Variants in MALRD1 observed in about 807,000 individuals in gnomAD.
MALRD1 encodes MAM and LDL-receptor class A domain-containing protein 1.
A neutral mutation model predicts 242.1 loss-of-function variants in MALRD1; 247 were observed. That is an observed-to-expected ratio of 1.02 (90% CI 0.92 to 1.13). The LOEUF is 1.13. MALRD1 is among the 50% of genes most tolerant of loss of function. The pLI is 0.00. For synonymous variants in MALRD1, 995 were observed against 866.6 expected, an observed-to-expected ratio of 1.15 and a Z score of -2.60; for missense variants, 2,989 against 2,533.1, an observed-to-expected ratio of 1.18 and a Z score of -3.86.
intron 2 of MALRD1, 36 bp downstream of exon 2, chr10:19,066,895 C>T: frequency 8.1e-7 from 1 of 1,227,632 alleles, no homozygotes; most frequent in Non-Finnish European, 1.0e-6. Context: ...CCCTCTCTCC[C>T]TTCCTCCTTT....
chr10:19,578,702 G>GTTT (rs1232896978), intron 33 of MALRD1, among the ~76,000 whole-genome samples: 1 of 148,748 alleles, frequency 6.7e-6, no homozygotes, highest in African/African-American at 2.5e-5. Flanking sequence ...TCATGGCTGG[G>GTTT]TTTTTTTTTT....
At chr10:19,470,078 C>A (rs141951134) in intron 29 of MALRD1, among the ~76,000 whole-genome samples, 92 of 152,086 alleles carry the variant, frequency 6.0e-4, no homozygotes, top group African/African-American at 2.1e-3. Flanking sequence ...ATAACTGAAC[C>A]TTTGTACCCC....
At chr10:19,079,577 A>C (rs899674633) in intron 2 of MALRD1, among the ~76,000 whole-genome samples, 2 of 151,958 alleles carry the variant, frequency 1.3e-5, no homozygotes, top group African/African-American at 2.4e-5. Flanking sequence ...TGAAGGTAGA[A>C]TATTAGAGTC....
intron 19 of MALRD1, among the ~76,000 whole-genome samples, chr10:19,270,086 G>T (rs532102928): frequency 6.6e-6 from 1 of 152,082 alleles, no homozygotes; most frequent in Non-Finnish European, 1.5e-5. Flanking sequence ...AGGCCGAGGC[G>T]AGTGGATCAC....
At chr10:19,425,884 G>C (rs11009843) in intron 28 of MALRD1, among the ~76,000 whole-genome samples, 12,769 of 152,106 alleles carry the variant, frequency 0.084, 554 homozygotes, top group East Asian at 0.14. Flanking sequence ...TCATTCATTA[G>C]TCTTGCCTCC....
intron 19 of MALRD1, among the ~76,000 whole-genome samples, chr10:19,266,909 A>G (rs994925792): frequency 6.6e-6 from 1 of 152,022 alleles, no homozygotes; most frequent in African/African-American, 2.4e-5. Flanking sequence ...CTTGAATCAG[A>G]TCTTCAGATT....
At chr10:19,259,033 C>T (rs1839638431) in intron 19 of MALRD1, among the ~76,000 whole-genome samples, 1 of 152,106 alleles carries the variant, frequency 6.6e-6, no homozygotes, top group South Asian at 2.1e-4. Flanking sequence ...TGGATTATTG[C>T]AATTGCTTTT....
At chr10:19,231,084 A>G (rs1564484873) in intron 18 of MALRD1, among the ~76,000 whole-genome samples, 1 of 152,142 alleles carries the variant, frequency 6.6e-6, no homozygotes, top group Non-Finnish European at 1.5e-5. Context: ...ATTTATTCTC[A>G]GGAGATCTAA....
chr10:19,378,793 T>G (rs1845712844), intron 26 of MALRD1, among the ~76,000 whole-genome samples: 1 of 152,080 alleles, frequency 6.6e-6, no homozygotes, highest in Non-Finnish European at 1.5e-5. Flanking sequence ...TATTTTTCTG[T>G]TTTTGGTATT....
chr10:19,228,101 G>A lies in MALRD1; in HGVS notation c.2991+18421G>A, dbSNP rs555324178. 2.0e-5 allele frequency among the ~76,000 whole-genome samples: 3 copies of A among 151,758 alleles called. No individual in the cohort carries two copies. In the East Asian group the frequency reaches 5.8e-4, roughly 29 times the overall value. On this transcript the variant is annotated intron_variant, in intron 18 of 39. Coordinates refer to ENST00000454679, the MANE Select transcript of MALRD1 (RefSeq NM_001142308.3). ...TCATATAGCCAAGTAATTCCACTGC[G>A]ACTCAGAATAATTAAAAACATATCC... is the stretch of plus-strand genomic sequence containing the variant.
intron 38 of MALRD1, among the ~76,000 whole-genome samples, chr10:19,695,861 T>A (rs537854074): frequency 1.1e-4 from 17 of 152,142 alleles, no homozygotes; most frequent in Non-Finnish European, 2.2e-4. Flanking sequence ...GCAAGAGAGC[T>A]TGTGTAGGGG....
At chr10:19,634,143 A>G (rs550295844) in intron 36 of MALRD1, among the ~76,000 whole-genome samples, 1 of 152,040 alleles carries the variant, frequency 6.6e-6, no homozygotes, top group East Asian at 1.9e-4. Flanking sequence ...ACCCGGCTAC[A>G]CAGTTTCTTC....
intron 36 of MALRD1, among the ~76,000 whole-genome samples, chr10:19,655,244 A>T (rs768361400): frequency 6.6e-6 from 1 of 151,862 alleles, no homozygotes; most frequent in Non-Finnish European, 1.5e-5. Flanking sequence ...ATGAAATGCA[A>T]ATTGGAGACT....
intron 36 of MALRD1, among the ~76,000 whole-genome samples, chr10:19,669,751 T>G (rs1384183121): frequency 6.6e-6 from 1 of 152,180 alleles, no homozygotes; most frequent in East Asian, 1.9e-4. Context: ...TAAACCATAC[T>G]ATTTATGTAG....
chr10:19,109,171 T>A (rs1836584304), intron 5 of MALRD1, among the ~76,000 whole-genome samples: 1 of 152,056 alleles, frequency 6.6e-6, no homozygotes, highest in Non-Finnish European at 1.5e-5. Flanking sequence ...GTTATAGGAG[T>A]TTGTGCAGCT....
intron 36 of MALRD1, among the ~76,000 whole-genome samples, chr10:19,656,630 G>A (rs1328994446): frequency 6.6e-6 from 1 of 151,674 alleles, no homozygotes; most frequent in African/African-American, 2.4e-5. Context: ...ATATTTATCT[G>A]CAGCCTCCAT....
chr10:19,281,546 T>G (rs68021138), intron 20 of MALRD1, among the ~76,000 whole-genome samples: 25,147 of 152,208 alleles, frequency 0.17, 2,495 homozygotes, highest in Admixed American at 0.28. Context: ...CAAATATAAA[T>G]GAATTATTAC....
At chr10:19,201,941 G>A (rs530641665) in intron 14 of MALRD1, among the ~76,000 whole-genome samples, 5 of 151,866 alleles carry the variant, frequency 3.3e-5, no homozygotes, top group Non-Finnish European at 5.9e-5. Flanking sequence ...TCAGCCTCCC[G>A]AGTAGCTGGG....
chr10:19,536,001 A>G (rs1298398200), intron 32 of MALRD1, among the ~76,000 whole-genome samples: 2 of 152,226 alleles, frequency 1.3e-5, no homozygotes, highest in Non-Finnish European at 1.5e-5. Context: ...CATTCTCAAA[A>G]GAGATTCCAA....
Sources: allele counts gnomAD v4.1 joint callset (sites outside exome capture counted in the v4.1 genomes callset), GRCh38; gene constraint gnomAD v4.1.1; transcripts MANE v1.5; gene names NCBI Gene and HGNC (gene_info 2026-07-23, HGNC 2026-07-21).